The following NECTIN2 variants were observed in gnomAD, a reference collection of about 807,000 sequenced individuals.
NECTIN2 encodes nectin cell adhesion molecule 2.
NECTIN2 carries 23 observed loss-of-function variants against 56.9 expected under a neutral mutation model. The ratio of observed to expected loss-of-function variants is 0.40; its 90% CI spans 0.29 to 0.57. The LOEUF is 0.57. Ranked by LOEUF, NECTIN2 falls within the 20% of genes least tolerant of loss-of-function variation. The probability of loss-of-function intolerance (pLI) is 0.38; values close to 1 mark genes in which losing one functional copy is unlikely to be tolerated. For missense variants in NECTIN2, 587 were observed against 718.3 expected (o/e 0.82, Z 2.09); for synonymous variants, 302 against 313.8 (o/e 0.96, Z 0.40).
At chr19:44,877,512 C>T (rs1599924285) in intron 5 of NECTIN2, among the ~76,000 whole-genome samples, 1 of 152,322 alleles carries the variant, frequency 6.6e-6, no homozygotes, top group East Asian at 1.9e-4. Flanking sequence ...TGTGAGAACC[C>T]CATTTTACAC....
Position 44,865,952 on chromosome 19 carries a change from C to T in NECTIN2, c.478+292C>T, listed in dbSNP as rs1423459141. On this transcript the variant is annotated intron_variant, in intron 2 of 8. Transcript: ENST00000252483. The surrounding 1 kb of genome is among the most constrained non-coding windows in gnomAD (Gnocchi z 5.2). ...CTTTGGAAGGCCGAGATGGGCAGAT[C>T]GCCTGAGGTCAGGAGTTCAAGACCA... Among the ~76,000 whole-genome samples, 3 of 152,124 alleles carry T rather than the reference C, an allele frequency of 2.0e-5. No homozygotes were observed. Among genetic ancestry groups the T allele is most frequent in the Non-Finnish European group, 2.9e-5 (2 of 68,022 alleles).
chr19:44,847,843 C>T (rs1968854817), intron 1 of NECTIN2, among the ~76,000 whole-genome samples: 1 of 152,250 alleles, frequency 6.6e-6, no homozygotes, highest in East Asian at 1.9e-4. Flanking sequence ...GAGCCGCCGC[C>T]CTTATCCCCC....
At chr19:44,862,475 A>AAAAG (rs111559700) in intron 1 of NECTIN2, among the ~76,000 whole-genome samples, 46 of 149,964 alleles carry the variant, frequency 3.1e-4, no homozygotes, top group African/African-American at 8.8e-4. Context: ...ATAAAAAAAA[A>AAAAG]AAAGAAAGAA....
intron 6 of NECTIN2, among the ~76,000 whole-genome samples, chr19:44,883,232 G>C (rs937566558): frequency 4.6e-5 from 7 of 151,986 alleles, no homozygotes; most frequent in African/African-American, 1.7e-4. Context: ...AGGCAGGGTG[G>C]GTCAGGCAGG....
At chr19:44,862,182 G>A (rs1399188289) in intron 1 of NECTIN2, among the ~76,000 whole-genome samples, 2 of 152,286 alleles carry the variant, frequency 1.3e-5, no homozygotes, top group East Asian at 1.9e-4. Context: ...TTGAGAGGCC[G>A]AGGCGGCGGA....
At chr19:44,855,188 G>A (rs560149864) in intron 1 of NECTIN2, among the ~76,000 whole-genome samples, 27 of 151,136 alleles carry the variant, frequency 1.8e-4, no homozygotes, top group Non-Finnish European at 2.8e-4. Context: ...CACTTTGGGA[G>A]GCCGAGGCGG....
chr19:44,873,002 C>T (rs555131286), intron 3 of NECTIN2, among the ~76,000 whole-genome samples: 1 of 151,584 alleles, frequency 6.6e-6, no homozygotes, highest in East Asian at 1.9e-4. Context: ...GCTAGCTCTT[C>T]CAGAAACTGC....
At chr19:44,863,631 G>A (rs945915304) in intron 1 of NECTIN2, among the ~76,000 whole-genome samples, 4 of 151,812 alleles carry the variant, frequency 2.6e-5, no homozygotes, top group African/African-American at 9.7e-5. Flanking sequence ...GATCATTTGA[G>A]GTCAGGAGTT....
chr19:44,849,897 C>G (rs1312367936), intron 1 of NECTIN2, among the ~76,000 whole-genome samples: 1 of 152,122 alleles, frequency 6.6e-6, no homozygotes, highest in African/African-American at 2.4e-5. Flanking sequence ...ATGGCTAACT[C>G]TGAATATACA....
chr19:44,858,355 C>A (rs1194467585), intron 1 of NECTIN2, among the ~76,000 whole-genome samples: 1 of 151,034 alleles, frequency 6.6e-6, no homozygotes, highest in Non-Finnish European at 1.5e-5. Context: ...TACATTTTTT[C>A]TTTTAAGGTA....
At chr19:44,884,099 G>A (rs1399043017) in intron 6 of NECTIN2, among the ~76,000 whole-genome samples, 1 of 150,798 alleles carries the variant, frequency 6.6e-6, no homozygotes, top group Non-Finnish European at 1.5e-5. Context: ...AACAGAGTGA[G>A]ACCTTGTAAA....
intron 5 of NECTIN2, among the ~76,000 whole-genome samples, chr19:44,877,078 T>C (rs77196615): frequency 0.014 from 2,069 of 152,060 alleles, 25 homozygotes; most frequent in Non-Finnish European, 0.019. Flanking sequence ...CCCTACCCCC[T>C]ACCAAAAAAG....
At position 44,878,410 on chromosome 19, in the gene NECTIN2, G is replaced by A. The variant is rs111797760; in HGVS notation, c.1043-3801G>A. ...GTGGCGACGGGGGATTCTACGATCC[G>A]AAAGCTCAGGTGTTGGGAAATGGGG... On this transcript the variant is annotated intron_variant, in intron 5 of 8. Transcript: ENST00000252483. 3.8e-5 allele frequency: 60 copies of A among 1,568,776 alleles called. 1 individual carries two copies. In the Admixed American group the frequency reaches 4.8e-4, roughly 13 times the overall value.
At chr19:44,884,059 A>G (rs969364919) in intron 6 of NECTIN2, among the ~76,000 whole-genome samples, 3 of 151,894 alleles carry the variant, frequency 2.0e-5, no homozygotes, top group African/African-American at 7.3e-5. Flanking sequence ...GCAGTGAGCT[A>G]TGATCACACC....
In NECTIN2 at chr19:44,874,042, CGT is replaced by C; in HGVS notation, c.893+11_893+12del. The C allele has an allele frequency of 1.2e-6, 2 of 1,603,560 alleles. No individual in the cohort carries two copies. Among genetic ancestry groups the C allele is most frequent in the African/African-American group, 2.7e-5 (2 of 74,784 alleles). Reference sequence around the variant, plus strand: ...GGCTATGACTGGAGCACGTGAGTCACGTGGTCTCAGAACCCTGGGTCTGAGGG... The same window carrying C: ...GGCTATGACTGGAGCACGTGAGTCACGGTCTCAGAACCCTGGGTCTGAGGG... On this transcript the variant is annotated intron_variant, in intron 4 of 8. Coordinates refer to ENST00000252483, the MANE Select transcript of NECTIN2 (RefSeq NM_001042724.2). This position sits in a 1 kb window ranked among gnomAD's most constrained non-coding sequence, Gnocchi z 6.3.
intron 2 of NECTIN2, among the ~76,000 whole-genome samples, chr19:44,866,507 A>C (rs1969103366): frequency 6.6e-6 from 1 of 152,138 alleles, no homozygotes; most frequent in South Asian, 2.1e-4. Flanking sequence ...ATATTTAGGC[A>C]GAAACTAGGA....
intron 6 of NECTIN2, among the ~76,000 whole-genome samples, chr19:44,882,632 G>A (rs1267045430): frequency 1.5e-5 from 2 of 137,458 alleles, no homozygotes; most frequent in Non-Finnish European, 3.0e-5. Context: ...GAGATCGATC[G>A]TTTGAGCCCA....
At chr19:44,863,241 G>A (rs183427010) in intron 1 of NECTIN2, among the ~76,000 whole-genome samples, 539 of 152,080 alleles carry the variant, frequency 3.5e-3, no homozygotes, top group Non-Finnish European at 6.0e-3. Context: ...AGGCTGAGGC[G>A]GGCTGCTCAC....
intron 8 of NECTIN2, among the ~76,000 whole-genome samples, chr19:44,887,085 C>T (rs1368662323): frequency 3.3e-5 from 5 of 151,846 alleles, no homozygotes; most frequent in Non-Finnish European, 7.4e-5. Flanking sequence ...CATGGTGGCT[C>T]ACACCTGTAA....
Sources: gnomAD v4.1 joint callset for allele counts (sites outside exome capture counted in the v4.1 genomes callset) on GRCh38, gnomAD v4.1.1 for gene constraint, Gnocchi (gnomAD v3.1) non-coding constraint, MANE v1.5 for transcripts, NCBI Gene and HGNC (gene_info 2026-07-23, HGNC 2026-07-21) for gene names.